Variants in PRPF8 observed in about 807,000 individuals in gnomAD.
PRPF8 encodes pre-mRNA processing factor 8.
In PRPF8, 64 loss-of-function variants were observed where a neutral mutation model predicts 285.9. The observed-to-expected ratio is 0.22, with a 90% CI of 0.18 to 0.28. PRPF8 has a LOEUF of 0.28. Among genes scored for constraint, PRPF8 ranks in the 10% least tolerant of loss-of-function variants. PRPF8 has a pLI of 1.00. For missense variants in PRPF8, 1,426 were observed against 3,026.7 expected (o/e 0.47, Z 12.41); for synonymous variants, 1,325 against 1,118.2 (o/e 1.18, Z -3.69).
At position 1,655,263 on chromosome 17, in the gene PRPF8, G is replaced by A. The variant is rs1011928204; in HGVS notation, c.5987+87C>T. ...ATGAGCCACCGCGCCTGGCCTTCTT[G>A]AGAAACTTCTAAGCCTAAGTGCTTC... On this transcript the variant is annotated intron_variant, in intron 37 of 42. Transcript: ENST00000304992. 1.3e-5 allele frequency: 20 copies of A among 1,504,206 alleles called. No homozygotes were observed. The East Asian group carries it at 4.2e-4, about 32-fold the overall frequency. The allele number at this position is 1,504,206 out of a possible 1,614,324, so 93.2% of individuals were successfully genotyped here.
In PRPF8 at chr17:1,673,481, T is replaced by G; in HGVS notation, c.3533A>C (p.Tyr1178Ser). The G allele has an allele frequency of 6.2e-7, 1 of 1,614,160 alleles. No individual in the cohort carries two copies. The highest frequency in any genetic ancestry group is 8.5e-7 in the Non-Finnish European group (1 of 1,180,032). Residue 1178 changes from tyrosine to serine, a missense_variant, in exon 23 of 43, where the codon TAC (tyrosine) becomes TCC (serine). Physicochemically the swap from Tyr to Ser is moderately radical, Grantham distance 144 (BLOSUM62 -2). This residue lies in a region of PRPF8 where 148 missense variants were observed against 196.2 expected (regional missense o/e 0.75). Coordinates refer to ENST00000304992, the MANE Select transcript of PRPF8 (RefSeq NM_006445.4). This position sits in a 1 kb window ranked among gnomAD's most constrained non-coding sequence, Gnocchi z 5.5. ...VQWENSFVSV[Y>S]SKDNPNLLFN... ...CAGCAGGTTGGGGTTGTCCTTACTGTACACAGACACGAAGCTGTTCTCCCA... is the reference window on the plus strand; with the variant it reads ...CAGCAGGTTGGGGTTGTCCTTACTGGACACAGACACGAAGCTGTTCTCCCA...
In PRPF8 at chr17:1,661,124, C is replaced by A. The variant is rs1305747147; in HGVS notation, c.4377G>T (p.Arg1459=). Residue 1459 remains arginine (R), a synonymous_variant, in exon 28 of 43, where the codon CGG becomes CGT. Coordinates refer to ENST00000304992, the MANE Select transcript of PRPF8 (RefSeq NM_006445.4). This position sits in a 1 kb window ranked among gnomAD's most constrained non-coding sequence, Gnocchi z 7.3. ...TCAGGTTCCAGAGCTTCCCATCATG[C>A]CGCTGGTGTGTCCACCAGAACGGAT... The part of the protein sequence containing the change: ...KQNPFWWTHQ[R]HDGKLWNLNN... 16 of 1,614,072 alleles carry A rather than the reference C, an allele frequency of 9.9e-6. No individual in the cohort carries two copies. The highest frequency in any genetic ancestry group is 1.3e-5 in the Non-Finnish European group (15 of 1,180,042).
Position 1,661,959 on chromosome 17 carries a change from A to G in PRPF8, c.3969T>C (p.Gly1323=). The change falls in exon 25 of 43, where the codon GGT becomes GGC. Residue 1323 remains glycine (G), a synonymous_variant. Coordinates refer to ENST00000304992, the MANE Select transcript of PRPF8 (RefSeq NM_006445.4). The surrounding 1 kb of genome is among the most constrained non-coding windows in gnomAD (Gnocchi z 7.3). The part of the protein sequence containing the change: ...PVVFYTPKEL[G]GLGMLSMGHV... ...GGCCCATTGAGAGCATGCCGAGTCC[A>G]CCCAACTCCTTAGGGGTGTAGAACA... 6.2e-7 allele frequency: 1 copy of G among 1,614,120 alleles called. No homozygotes were observed. The highest frequency in any genetic ancestry group is 8.5e-7 in the Non-Finnish European group (1 of 1,180,034).
In PRPF8 at chr17:1,681,962, C is replaced by A; in HGVS notation, c.511G>T (p.Asp171Tyr). 1 of 1,614,068 alleles carries A rather than the reference C, an allele frequency of 6.2e-7. No homozygotes were observed. Among genetic ancestry groups the A allele is most frequent in the Non-Finnish European group, 8.5e-7 (1 of 1,180,012 alleles). ...GCATAGTCCAAGGGCGGCTCCTCAT[C>A]ATCAAAAGGGGGAAAACGCATCCTC... is the stretch of plus-strand genomic sequence containing the variant. ...FKRMRFPPFD[D>Y]EEPPLDYADN... The change falls in exon 5 of 43, where the codon GAT becomes TAT. Residue 171 changes from aspartate to tyrosine, a missense_variant. Asp to Tyr is a radical substitution (Grantham distance 160, BLOSUM62 -3). Around this residue, in one of 34 missense-constraint regions of PRPF8, gnomAD observed 96 missense variants for 188.3 expected, o/e 0.51. Transcript: ENST00000304992.
rs762957932 is a variant in PRPF8 at position 1,673,535 on chromosome 17, C to T, written c.3479G>A (p.Arg1160His). ...GRAVFWDIKN[R>H]LPRSVTTVQW... ...AACTGTAGTCACTGACCGTGGCAAG[C>T]GGTTCTTGATGTCCCAGAATACCGC... Residue 1160 changes from arginine (R) to histidine (H), a missense_variant, in exon 23 of 43, where the codon CGC becomes CAC. Physicochemically the swap from Arg to His is conservative, Grantham distance 29. Transcript: ENST00000304992. This position sits in a 1 kb window ranked among gnomAD's most constrained non-coding sequence, Gnocchi z 5.5. 2 of 1,614,148 alleles carry T rather than the reference C, an allele frequency of 1.2e-6. No individual in the cohort carries two copies. Among genetic ancestry groups the T allele is most frequent in the Non-Finnish European group, 1.7e-6 (2 of 1,180,040 alleles).
In PRPF8 at chr17:1,660,459, A is replaced by G. The variant is rs746046520; in HGVS notation, c.4758T>C (p.His1586=). 1.9e-6 allele frequency: 3 copies of G among 1,612,698 alleles called. No individual in the cohort carries two copies. The highest frequency in any genetic ancestry group is 1.1e-5 in the South Asian group (1 of 91,046). ...GACATAAGTCCATAACAATGCTCTC[A>G]TGGATCTTCTGCCACAAGTGAGCTC... ...IFRAHLWQKI[H]ESIVMDLCQV... Residue 1586 remains histidine, a synonymous_variant, in exon 30 of 43, where the codon CAT becomes CAC. Coordinates refer to ENST00000304992, the MANE Select transcript of PRPF8 (RefSeq NM_006445.4).
At position 1,675,291 on chromosome 17, in the gene PRPF8, T is replaced by C. The variant is rs748498090; in HGVS notation, c.2921A>G (p.Asn974Ser). 1.2e-5 allele frequency: 19 copies of C among 1,614,028 alleles called. No homozygotes were observed. Among genetic ancestry groups the C allele is most frequent in the Non-Finnish European group, 1.6e-5 (19 of 1,180,040 alleles). The change falls in exon 20 of 43, where the codon AAT becomes AGT. Residue 974 changes from asparagine to serine, a missense_variant. Asn to Ser is a conservative substitution (Grantham distance 46). Around this residue, in one of 34 missense-constraint regions of PRPF8, gnomAD observed 37 missense variants for 43.4 expected, o/e 0.85. Coordinates refer to ENST00000304992, the MANE Select transcript of PRPF8 (RefSeq NM_006445.4). This position sits in a 1 kb window ranked among gnomAD's most constrained non-coding sequence, Gnocchi z 6.0. ...DVWETSEGEC[N>S]VMLESRFEKM... The stretch of plus-strand genomic sequence containing the variant: ...CTCAAAGCGGGATTCCAGCATGACA[T>C]TGCACTCGCCTTCACTCGTCTCCCA...
At position 1,676,634 on chromosome 17, in the gene PRPF8, A is replaced by G. The variant is rs1389613920; in HGVS notation, c.2259T>C (p.Thr753=). ...VKAKADWWTN[T]AHYNRERIRR... ...GGATCCGTTCTCGGTTGTAGTGGGCAGTGTTGGTCCACCAGTCAGCCTTGG... is the reference window on the plus strand; with the variant it reads ...GGATCCGTTCTCGGTTGTAGTGGGCGGTGTTGGTCCACCAGTCAGCCTTGG... The change falls in exon 16 of 43, where the codon ACT becomes ACC. Residue 753 remains threonine, a synonymous_variant. Coordinates refer to ENST00000304992, the MANE Select transcript of PRPF8 (RefSeq NM_006445.4). This position sits in a 1 kb window ranked among gnomAD's most constrained non-coding sequence, Gnocchi z 6.3. The G allele has an allele frequency of 1.2e-6, 2 of 1,614,186 alleles. No individual in the cohort carries two copies. Among genetic ancestry groups the G allele is most frequent in the South Asian group, 2.2e-5 (2 of 91,088 alleles).
Position 1,660,462 on chromosome 17 carries a change from G to A in PRPF8, c.4755C>T (p.Ile1585=). ...ATAAGTCCATAACAATGCTCTCATGGATCTTCTGCCACAAGTGAGCTCGGA... is the reference window on the plus strand; with the variant it reads ...ATAAGTCCATAACAATGCTCTCATGAATCTTCTGCCACAAGTGAGCTCGGA... The part of the protein sequence containing the change: ...QIFRAHLWQK[I]HESIVMDLCQ... The change falls in exon 30 of 43, where the codon ATC becomes ATT. Residue 1585 remains isoleucine (I), a synonymous_variant. Transcript: ENST00000304992. 1 of 1,614,168 alleles carries A rather than the reference G, an allele frequency of 6.2e-7. No individual in the cohort carries two copies. Among genetic ancestry groups the A allele is most frequent in the Admixed American group, 1.7e-5 (1 of 60,012 alleles).
Position 1,658,128 on chromosome 17 carries a change from T to C in PRPF8, c.5505+125A>G. On this transcript the variant is annotated intron_variant, in intron 34 of 42. Transcript: ENST00000304992. The surrounding 1 kb of genome is among the most constrained non-coding windows in gnomAD (Gnocchi z 4.1). ...CCACAGAATACTTCCCAAGGTATTT[T>C]GGGGATAAGTTCAAATGAGATGTTC... 1.2e-5 allele frequency: 17 copies of C among 1,411,674 alleles called. No individual in the cohort carries two copies. Among genetic ancestry groups the C allele is most frequent in the Non-Finnish European group, 1.7e-5 (17 of 1,017,192 alleles). The allele number at this position is 1,411,674 out of a possible 1,614,324, so 87.4% of individuals were successfully genotyped here.
chr17:1,663,027 A>G (rs1471698198), intron 24 of PRPF8, among the ~76,000 whole-genome samples: 1 of 152,080 alleles, frequency 6.6e-6, no homozygotes, highest in Non-Finnish European at 1.5e-5. Flanking sequence ...CTTATAATAC[A>G]TGTACAATTA....
rs1239344391 is a variant in PRPF8, at chr17:1,653,705, C to T, written c.6228-22G>A. 1.2e-6 allele frequency: 2 copies of T among 1,614,162 alleles called. No homozygotes were observed. The highest frequency in any genetic ancestry group is 2.2e-5 in the East Asian group (1 of 44,878). On this transcript the variant is annotated intron_variant, in intron 38 of 42. Transcript: ENST00000304992. The surrounding 1 kb of genome is among the most constrained non-coding windows in gnomAD (Gnocchi z 4.9). ...GGCCCTAAAAACAGGCAGGGAGTGT[C>T]AGCATCGCTCAGCCCAGCACCTTAG... is the stretch of plus-strand genomic sequence containing the variant.
intron 24 of PRPF8, 83 bp from the exon 25 acceptor site, chr17:1,662,236 C>A: frequency 6.8e-7 from 1 of 1,467,288 alleles, no homozygotes; most frequent in Non-Finnish European, 9.5e-7. Context: ...TTAGTTTTAT[C>A]CCTACTACTA....
rs761994555 is a variant in PRPF8 at position 1,677,550 on chromosome 17, G to T, written c.1984+15C>A. On this transcript the variant is annotated intron_variant, in intron 14 of 42. Transcript: ENST00000304992. The stretch of plus-strand genomic sequence containing the variant: ...GCAATAACAGGAGAAGTTGGACACA[G>T]AGAAAACCACTCACCTTCAAACTGC... The T allele has an allele frequency of 6.2e-7, 1 of 1,613,896 alleles. No homozygotes were observed. The highest frequency in any genetic ancestry group is 1.1e-5 in the South Asian group (1 of 91,082).
chr17:1,655,924 CTT>C (rs76782744), intron 36 of PRPF8, among the ~76,000 whole-genome samples: 65 of 119,460 alleles, frequency 5.4e-4, no homozygotes, highest in African/African-American at 1.4e-3. Context: ...TGCGCCCGGC[CTT>C]TTTTTTTTTT....
At chr17:1,671,216 C>T (rs576558961) in intron 24 of PRPF8, among the ~76,000 whole-genome samples, 9 of 152,208 alleles carry the variant, frequency 5.9e-5, no homozygotes, top group African/African-American at 2.2e-4. Context: ...ATCCTTTCCT[C>T]TTCCACTTCC....
rs376691831 is a variant in PRPF8 at position 1,675,107 on chromosome 17, C to G, written c.3060+45G>C. On this transcript the variant is annotated intron_variant, in intron 20 of 42. Coordinates refer to ENST00000304992, the MANE Select transcript of PRPF8 (RefSeq NM_006445.4). This position sits in a 1 kb window ranked among gnomAD's most constrained non-coding sequence, Gnocchi z 6.0. ...GCAAATTCTGAGTCAGTGGGCCAGA[C>G]AAGCACTCCACACACAATTCCATGC... is the stretch of plus-strand genomic sequence containing the variant. 3.7e-6 allele frequency: 6 copies of G among 1,608,882 alleles called. No individual in the cohort carries two copies. The African/African-American group carries it at 8.0e-5, about 22-fold the overall frequency.
In PRPF8 at chr17:1,673,903, C is replaced by G; in HGVS notation, c.3300-11G>C. 1.2e-6 allele frequency: 2 copies of G among 1,611,832 alleles called. No individual in the cohort carries two copies. Among genetic ancestry groups the G allele is most frequent in the Non-Finnish European group, 1.7e-6 (2 of 1,179,988 alleles). ...TCATCTGCTGTGAACCTACACCAGA[C>G]CAGGTACACTGCTGAGGCCCCAGTA... is the stretch of plus-strand genomic sequence containing the variant. On this transcript the variant is annotated splice_polypyrimidine_tract_variant and intron_variant, in intron 21 of 42. Coordinates refer to ENST00000304992, the MANE Select transcript of PRPF8 (RefSeq NM_006445.4). This position sits in a 1 kb window ranked among gnomAD's most constrained non-coding sequence, Gnocchi z 5.5.
rs1388759418 is a variant in PRPF8 at position 1,678,744 on chromosome 17, G to C, written c.1719+18C>G. 5 of 1,613,940 alleles carry C rather than the reference G, an allele frequency of 3.1e-6. No individual in the cohort carries two copies. Among genetic ancestry groups the C allele is most frequent in the Non-Finnish European group, 4.2e-6 (5 of 1,180,044 alleles). On this transcript the variant is annotated intron_variant, in intron 12 of 42. Coordinates refer to ENST00000304992, the MANE Select transcript of PRPF8 (RefSeq NM_006445.4). ...CAGCGTCCTCACCCAGGCAGGGGTT[G>C]GGAATACCTAACCTTACCTGGAAGG...
Sources: gnomAD v4.1 joint callset for allele counts (sites outside exome capture counted in the v4.1 genomes callset) on GRCh38, gnomAD v4.1.1 for gene constraint, gnomAD v4.1.1 regional missense constraint, Gnocchi (gnomAD v3.1) non-coding constraint, MANE v1.5 for transcripts, NCBI Gene and HGNC (gene_info 2026-07-23, HGNC 2026-07-21) for gene names.